Variants in BRCA2 observed in about 807,000 individuals in gnomAD.
The protein encoded by BRCA2 is BRCA2 DNA repair associated, also known as breast cancer type 2 susceptibility protein.
In BRCA2, 203 loss-of-function variants were observed where a neutral mutation model predicts 276.7. That is an observed-to-expected ratio of 0.73 (90% CI 0.65 to 0.82). The LOEUF is 0.82. Among genes scored for constraint, BRCA2 ranks in the 40% least tolerant of loss-of-function variants. BRCA2 has a pLI of 0.00. For missense variants in BRCA2, 3,920 were observed against 3,915.0 expected (o/e 1.00, Z -0.03); for synonymous variants, 1,289 against 1,338.4 (o/e 0.96, Z 0.81).
chr13:32,378,685 T>G (rs908659838), intron 21 of BRCA2, among the ~76,000 whole-genome samples: 2 of 152,218 alleles, frequency 1.3e-5, no homozygotes, highest in Non-Finnish European at 2.9e-5. Context: ...ATTTGTTTAT[T>G]GATTTATCTG....
chr13:32,391,071 A>G (rs569269536), intron 24 of BRCA2, among the ~76,000 whole-genome samples: 8 of 152,166 alleles, frequency 5.3e-5, no homozygotes, highest in Non-Finnish European at 1.2e-4. Context: ...AGCAAACTCA[A>G]CATTTGAGAG....
chr13:32,335,186 A>C (rs1275188499), intron 10 of BRCA2, among the ~76,000 whole-genome samples: 3 of 152,262 alleles, frequency 2.0e-5, no homozygotes, highest in African/African-American at 7.2e-5. Flanking sequence ...TCTATGAAAA[A>C]AAACAAAAAT....
In BRCA2 at chr13:32,340,305, A is replaced by G. The variant is rs2137522625; in HGVS notation, c.5950A>G (p.Lys1984Glu). 1 of 1,614,046 alleles carries G rather than the reference A, an allele frequency of 6.2e-7. No homozygotes were observed. The highest frequency in any genetic ancestry group is 1.1e-5 in the South Asian group (1 of 91,084). ...TCGIFSTASG[K>E]SVQVSDASLQ... ...TGGGATTTTTAGCACAGCAAGTGGA[A>G]AATCTGTCCAGGTATCAGATGCTTC... is the stretch of plus-strand genomic sequence containing the variant. The change falls in exon 11 of 27, where the codon AAA becomes GAA. Residue 1984 changes from lysine (K) to glutamate (E), a missense_variant. Lys to Glu is a moderately conservative substitution (Grantham distance 56). Transcript: ENST00000380152.
At chr13:32,324,779 C>T (rs113430322) in intron 3 of BRCA2, among the ~76,000 whole-genome samples, 17 of 152,180 alleles carry the variant, frequency 1.1e-4, no homozygotes, top group African/African-American at 3.9e-4. Context: ...GGCATATCAC[C>T]ACACCAGCGT....
intron 19 of BRCA2, 65 bp downstream of exon 19, chr13:32,370,622 G>C (rs1593930657): frequency 1.3e-6 from 2 of 1,542,036 alleles, no homozygotes; most frequent in South Asian, 2.3e-5. Flanking sequence ...TTGTTTGTTT[G>C]TTTGAGATGG....
chr13:32,361,358 T>C (rs2072736347), intron 16 of BRCA2, among the ~76,000 whole-genome samples: 1 of 152,090 alleles, frequency 6.6e-6, no homozygotes, highest in African/African-American at 2.4e-5. Context: ...CTCAATAGAT[T>C]GGTGGAGTGA....
chr13:32,384,379 G>A (rs1338517158), intron 24 of BRCA2, among the ~76,000 whole-genome samples: 2 of 152,240 alleles, frequency 1.3e-5, no homozygotes, highest in African/African-American at 4.8e-5. Context: ...AGAGGTAGGA[G>A]GAGATGGTGC....
At chr13:32,379,941 G>C in intron 23 of BRCA2, 28 bp downstream of exon 23, 1 of 1,612,920 alleles carries the variant, frequency 6.2e-7, no homozygotes, top group Non-Finnish European at 8.5e-7. Flanking sequence ...TAATTTTTCA[G>C]TTTTGATAAG....
rs950067722 is a variant in BRCA2, at chr13:32,370,890, G to A, written c.8488-66G>A. 4 of 1,595,058 alleles carry A rather than the reference G, an allele frequency of 2.5e-6. No individual in the cohort carries two copies. In the African/African-American group the frequency reaches 4.0e-5, roughly 16 times the overall value. On this transcript the variant is annotated intron_variant, in intron 19 of 26. Transcript: ENST00000380152. ...TTACAGATGTGAGCCACTGTGCCTGGCCTGATACAATTAACTTGAATGTTA... is the reference window on the plus strand; with the variant it reads ...TTACAGATGTGAGCCACTGTGCCTGACCTGATACAATTAACTTGAATGTTA...
chr13:32,341,266 A>G, intron 11 of BRCA2, 70 bp downstream of exon 11: 4 of 1,588,182 alleles, frequency 2.5e-6, no homozygotes, highest in Non-Finnish European at 3.4e-6. Context: ...TAGACTTGGT[A>G]TGCTAACAAT....
chr13:32,391,777 G>A (rs1400066456), intron 24 of BRCA2, among the ~76,000 whole-genome samples: 1 of 152,190 alleles, frequency 6.6e-6, no homozygotes, highest in Non-Finnish European at 1.5e-5. Flanking sequence ...GATTCTAAAA[G>A]TGTTACACTA....
Position 32,330,950 on chromosome 13 carries a change from A to G in BRCA2, c.713A>G (p.Glu238Gly), listed in dbSNP as rs2072385381. 6.2e-7 allele frequency: 1 copy of G among 1,613,062 alleles called. No homozygotes were observed. Among genetic ancestry groups the G allele is most frequent in the South Asian group, 1.1e-5 (1 of 90,894 alleles). ...AAAAGCTATTTTTCCAATCATGATGAAAGTCTGAAGAAAAATGATAGATTT... is the reference window on the plus strand; with the variant it reads ...AAAAGCTATTTTTCCAATCATGATGGAAGTCTGAAGAAAAATGATAGATTT... ...NVKSYFSNHD[E>G]SLKKNDRFIA... The change falls in exon 9 of 27, where the codon GAA becomes GGA. Residue 238 changes from glutamate to glycine, a missense_variant. By Grantham distance (98) the Glu-to-Gly change is moderately conservative (BLOSUM62 -2). Around this residue, in one of 2 missense-constraint regions of BRCA2, gnomAD observed 3,263 missense variants for 3,156.9 expected, o/e 1.03. Coordinates refer to ENST00000380152, the MANE Select transcript of BRCA2 (RefSeq NM_000059.4).
intron 3 of BRCA2, among the ~76,000 whole-genome samples, chr13:32,320,361 G>C (rs1319097480): frequency 6.6e-6 from 1 of 152,132 alleles, no homozygotes. Flanking sequence ...TCAGGCCCCT[G>C]ATTTACACTC....
Position 32,339,215 on chromosome 13 carries a change from AT to A in BRCA2, c.4861del (p.Cys1621ValfsTer15). 1 of 1,613,286 alleles carries A rather than the reference AT, an allele frequency of 6.2e-7. No homozygotes were observed. The highest frequency in any genetic ancestry group is 1.1e-5 in the South Asian group (1 of 90,976). On this transcript the variant is annotated frameshift_variant, in exon 11 of 27. Coordinates refer to ENST00000380152, the MANE Select transcript of BRCA2 (RefSeq NM_000059.4). LOFTEE classifies it high-confidence loss of function. ...CACCTAAGCTCTTAAGTGATAATTT[AT>A]GTAGACAAACTGAAAATCTCAAAAC... ...VPPKLLSDNL[C>X]RQTENLKTSK... is the part of the protein sequence containing the mutation.
At chr13:32,348,468 T>C (rs1407778340) in intron 13 of BRCA2, among the ~76,000 whole-genome samples, 1 of 152,034 alleles carries the variant, frequency 6.6e-6, no homozygotes, top group African/African-American at 2.4e-5. Context: ...GGTTTCAAAT[T>C]GTTTCAAGCC....
At chr13:32,362,394 A>T in intron 16 of BRCA2, 129 bp from the exon 17 acceptor site, 1 of 855,160 alleles carries the variant, frequency 1.2e-6, no homozygotes, top group East Asian at 2.6e-5. Flanking sequence ...TATATTGTAG[A>T]TCATATGAAC....
At chr13:32,357,674 GT>G in intron 15 of BRCA2, 67 bp from the exon 16 acceptor site, 4 of 1,513,324 alleles carry the variant, frequency 2.6e-6, no homozygotes, top group Non-Finnish European at 3.6e-6. Flanking sequence ...TGTTATAATT[GT>G]TTTTATTGTG....
At chr13:32,328,705 C>T (rs749566869) in intron 7 of BRCA2, among the ~76,000 whole-genome samples, 5 of 151,956 alleles carry the variant, frequency 3.3e-5, no homozygotes, top group African/African-American at 9.7e-5. Flanking sequence ...AGGTAAACAG[C>T]GAATAATTTT....
chr13:32,371,384 T>G (rs1285100039), intron 20 of BRCA2, among the ~76,000 whole-genome samples: 1 of 152,152 alleles, frequency 6.6e-6, no homozygotes, highest in Non-Finnish European at 1.5e-5. Context: ...CATGTGTTAT[T>G]ATGCCTGGAA....
Sources: gnomAD v4.1 joint callset for allele counts (sites outside exome capture counted in the v4.1 genomes callset) on GRCh38, gnomAD v4.1.1 for gene constraint, gnomAD v4.1.1 regional missense constraint, MANE v1.5 for transcripts, NCBI Gene and HGNC (gene_info 2026-07-23, HGNC 2026-07-21) for gene names.